ENTREP2: variants seen among roughly 807,000 people sequenced by gnomAD.
ENTREP2 encodes the protein protein ENTREP2.
chr15:29,588,397 G>T, the ENTREP2 span, among the ~76,000 whole-genome samples: 1 of 151,928 alleles, frequency 6.6e-6, no homozygotes, highest in East Asian at 1.9e-4. Context: ...GAACCTGGGA[G>T]GCCGGGGTTG....
the ENTREP2 span, chr15:29,269,846 G>C: frequency 4.0e-5 from 33 of 834,848 alleles, no homozygotes; most frequent in Non-Finnish European, 1.0e-5. Flanking sequence ...TGAAGCCTGC[G>C]CCTTGCGTCA....
chr15:29,267,471 A>ACCCC, the ENTREP2 span: 1 of 151,918 alleles, frequency 6.6e-6, no homozygotes, highest in Non-Finnish European at 1.5e-5. Flanking sequence ...CTTAAAACCT[A>ACCCC]CCCCCACAAC....
the ENTREP2 span, among the ~76,000 whole-genome samples, chr15:29,512,560 G>A: frequency 2.0e-5 from 3 of 152,336 alleles, no homozygotes; most frequent in South Asian, 4.1e-4. Flanking sequence ...AACCATGAGT[G>A]TGGAGGCCCC....
chr15:29,341,267 G>T, the ENTREP2 span, among the ~76,000 whole-genome samples: 2 of 152,190 alleles, frequency 1.3e-5, no homozygotes, highest in East Asian at 3.8e-4. Flanking sequence ...TTATTCATTT[G>T]CTCATTCATT....
At chr15:29,418,400 C>T in the ENTREP2 span, among the ~76,000 whole-genome samples, 1 of 152,146 alleles carries the variant, frequency 6.6e-6, no homozygotes, top group African/African-American at 2.4e-5. Context: ...ACCACACCCT[C>T]CGTGCAGAGT....
the ENTREP2 span, among the ~76,000 whole-genome samples, chr15:29,343,203 C>T: frequency 1.3e-5 from 2 of 152,108 alleles, no homozygotes; most frequent in East Asian, 1.9e-4. Flanking sequence ...TATATGTCAG[C>T]TTGGCCAAGC....
chr15:29,393,504 C>A, the ENTREP2 span, among the ~76,000 whole-genome samples: 1 of 152,194 alleles, frequency 6.6e-6, no homozygotes, highest in African/African-American at 2.4e-5. Context: ...CTCCAGCCAC[C>A]TGCCACTCTG....
At chr15:29,488,408 A>G in the ENTREP2 span, among the ~76,000 whole-genome samples, 5 of 152,210 alleles carry the variant, frequency 3.3e-5, no homozygotes, top group African/African-American at 1.2e-4. Context: ...ATAAAAGATT[A>G]ACAGGTATGA....
At chr15:29,520,343 C>T in the ENTREP2 span, among the ~76,000 whole-genome samples, 1 of 152,152 alleles carries the variant, frequency 6.6e-6, no homozygotes, top group Non-Finnish European at 1.5e-5. Flanking sequence ...TCAACTAAAG[C>T]TGACCAATGC....
chr15:29,265,529 C>T, the ENTREP2 span: 1 of 152,294 alleles, frequency 6.6e-6, no homozygotes, highest in African/African-American at 2.4e-5. Flanking sequence ...ATCCCAGCTA[C>T]TCAGGAGGCT....
chr15:29,345,394 C>T, the ENTREP2 span, among the ~76,000 whole-genome samples: 2 of 152,048 alleles, frequency 1.3e-5, no homozygotes, highest in African/African-American at 4.8e-5. Flanking sequence ...AGAGCACAAG[C>T]ACAGCCCTGG....
the ENTREP2 span, among the ~76,000 whole-genome samples, chr15:29,441,640 T>C: frequency 7.6e-4 from 116 of 152,308 alleles, no homozygotes; most frequent in Non-Finnish European, 1.3e-3. Flanking sequence ...ATTTTTTTAA[T>C]TCCACTTACT....
the ENTREP2 span, among the ~76,000 whole-genome samples, chr15:29,666,817 C>G: frequency 1.3e-5 from 2 of 152,238 alleles, no homozygotes; most frequent in African/African-American, 4.8e-5. Context: ...GAAATGTAGT[C>G]TCTCACAGTT....
chr15:29,283,827 GT>G, the ENTREP2 span, among the ~76,000 whole-genome samples: 1 of 152,222 alleles, frequency 6.6e-6, no homozygotes, highest in East Asian at 1.9e-4. Context: ...TTTTTTTATT[GT>G]TTTGTTGTTC....
the ENTREP2 span, among the ~76,000 whole-genome samples, chr15:29,648,240 G>A: frequency 6.6e-6 from 1 of 152,332 alleles, no homozygotes; most frequent in South Asian, 2.1e-4. Flanking sequence ...TCTAGACTCA[G>A]TGGCTAGGGT....
At chr15:29,650,857 G>T in the ENTREP2 span, among the ~76,000 whole-genome samples, 100 of 152,202 alleles carry the variant, frequency 6.6e-4, no homozygotes, top group African/African-American at 2.3e-3. Flanking sequence ...AAAATAAAAT[G>T]AAGTACAATA....
the ENTREP2 span, among the ~76,000 whole-genome samples, chr15:29,498,926 T>C: frequency 6.6e-6 from 1 of 152,214 alleles, no homozygotes; most frequent in Non-Finnish European, 1.5e-5. Flanking sequence ...TTTTAAAGTT[T>C]TGTAGTCAAA....
the ENTREP2 span, chr15:29,123,795 T>A: frequency 1.2e-6 from 1 of 815,510 alleles, no homozygotes; most frequent in Non-Finnish European, 1.9e-6. Context: ...CATGCCCTGC[T>A]GTCCCCATCC....
the ENTREP2 span, chr15:29,137,269 A>G: frequency 3.1e-6 from 4 of 1,309,300 alleles, no homozygotes; most frequent in South Asian, 6.4e-5. Flanking sequence ...TAATTATACG[A>G]GAGCTTTAAT....
Sources: allele counts gnomAD v4.1 joint callset (sites outside exome capture counted in the v4.1 genomes callset), GRCh38; gene constraint gnomAD v4.1.1; transcripts MANE v1.5; gene names NCBI Gene and HGNC (gene_info 2026-07-23, HGNC 2026-07-21).